Variants in TBX4 observed in about 807,000 individuals in gnomAD.
The protein encoded by TBX4 is T-box transcription factor 4, also known as T-box transcription factor TBX4.
TBX4 carries 13 observed loss-of-function variants against 54.6 expected under a neutral mutation model. The observed-to-expected ratio is 0.24, with a 90% CI of 0.15 to 0.38. The LOEUF is 0.38. TBX4 is among the 10% of genes least tolerant of loss of function. The pLI is 1.00. For missense variants in TBX4, 631 were observed against 728.5 expected (o/e 0.87, Z 1.54); for synonymous variants, 314 against 306.7 (o/e 1.02, Z -0.25).
At chr17:61,453,073 A>T in intron 1 of TBX4, 4 of 812,910 alleles carry the variant, frequency 4.9e-6, no homozygotes, top group Non-Finnish European at 5.9e-6. Flanking sequence ...ATAAATAATG[A>T]TCGATGATTA....
At chr17:61,482,379 A>G (rs1015071155) in intron 8 of TBX4, among the ~76,000 whole-genome samples, 2 of 152,250 alleles carry the variant, frequency 1.3e-5, no homozygotes, top group Admixed American at 6.5e-5. Flanking sequence ...AGGTTAGTTC[A>G]TCTTCTAAAA....
chr17:61,454,935 T>C (rs1183774000), intron 1 of TBX4, among the ~76,000 whole-genome samples: 1 of 152,112 alleles, frequency 6.6e-6, no homozygotes, highest in Admixed American at 6.5e-5. Context: ...CTAGATATAG[T>C]TGGACCCAGC....
At chr17:61,463,209 T>C (rs2060510886) in intron 3 of TBX4, 1 of 152,466 alleles carries the variant, frequency 6.6e-6, no homozygotes, top group Admixed American at 6.5e-5. Flanking sequence ...CCTAGACATC[T>C]GTTGCATTGA....
Position 61,485,017 on chromosome 17 carries a change from G to T in TBX4, c.*1501G>T, listed in dbSNP as rs2060694487. The T allele has an allele frequency of 6.7e-6, 1 of 149,640 alleles. No individual in the cohort carries two copies. Among genetic ancestry groups the T allele is most frequent in the Non-Finnish European group, 1.5e-5 (1 of 67,606 alleles). 9.3% of individuals were successfully genotyped at this position (149,640 alleles called of 1,614,324 possible). On this transcript the variant is annotated 3_prime_UTR_variant, in exon 9 of 9. Coordinates refer to ENST00000644296, the MANE Select transcript of TBX4 (RefSeq NM_001321120.2). The surrounding 1 kb of genome is among the most constrained non-coding windows in gnomAD (Gnocchi z 4.6). Reference sequence around the variant, plus strand: ...TAAGGCTTTTTTAGAAAACACATTAGCTAACAGGTGATATGGAACTTCAAG... The same window carrying T: ...TAAGGCTTTTTTAGAAAACACATTATCTAACAGGTGATATGGAACTTCAAG...
At chr17:61,468,199 G>T (rs2060549736) in intron 5 of TBX4, among the ~76,000 whole-genome samples, 1 of 152,240 alleles carries the variant, frequency 6.6e-6, no homozygotes, top group South Asian at 2.1e-4. Flanking sequence ...CCTTGCTCTG[G>T]CTCACATGTT....
Position 61,472,033 on chromosome 17 carries a change from G to A in TBX4, c.549+4376G>A, listed in dbSNP as rs370833224. Among the ~76,000 whole-genome samples the A allele has an allele frequency of 4.9e-4, 74 of 150,806 alleles. No homozygotes were observed. In the South Asian group the frequency reaches 6.4e-3, roughly 13 times the overall value. On this transcript the variant is annotated intron_variant, in intron 5 of 8. Transcript: ENST00000644296. This position sits in a 1 kb window ranked among gnomAD's most constrained non-coding sequence, Gnocchi z 4.5. The stretch of plus-strand genomic sequence containing the variant: ...GCTGGGATTGCAGGCGTGTGCCACC[G>A]CGCCCGGCCTGCAGCTGCATAGAAT...
In TBX4 at chr17:61,481,069, T is replaced by A. The variant is rs577990356; in HGVS notation, c.1021+750T>A. Among the ~76,000 whole-genome samples, 161 of 152,294 alleles carry A rather than the reference T, an allele frequency of 1.1e-3. No individual in the cohort carries two copies. Among genetic ancestry groups the A allele is most frequent in the Middle Eastern group, 3.4e-3 (1 of 294 alleles). On this transcript the variant is annotated intron_variant, in intron 8 of 8. Coordinates refer to ENST00000644296, the MANE Select transcript of TBX4 (RefSeq NM_001321120.2). This position sits in a 1 kb window ranked among gnomAD's most constrained non-coding sequence, Gnocchi z 4.8. ...TTCCGGAATGTTCCCTCAGCCCTGGTCCTAGGGACTAGCCCAGCAGAGCTC... is the reference window on the plus strand; with the variant it reads ...TTCCGGAATGTTCCCTCAGCCCTGGACCTAGGGACTAGCCCAGCAGAGCTC...
rs35198276 is a variant in TBX4 at position 61,471,892 on chromosome 17, ATTTTTTT to A, written c.549+4260_549+4266del. 6.9e-4 allele frequency among the ~76,000 whole-genome samples: 50 copies of A among 72,950 alleles called. No individual in the cohort carries two copies. In the East Asian group the frequency reaches 0.014, roughly 20 times the overall value. 47.9% of individuals were successfully genotyped at this position (72,950 alleles called of 152,430 possible). ...AGGTGCCTGCCACTATGCCCAGCTA[ATTTTTTT>A]TTTTTTTTTTTTTTTTTTTTTTTTA... On this transcript the variant is annotated intron_variant, in intron 5 of 8. Coordinates refer to ENST00000644296, the MANE Select transcript of TBX4 (RefSeq NM_001321120.2).
At position 61,472,269 on chromosome 17, in the gene TBX4, G is replaced by C. The variant is rs1190440393; in HGVS notation, c.549+4612G>C. 6.6e-6 allele frequency among the ~76,000 whole-genome samples: 1 copy of C among 152,202 alleles called. No individual in the cohort carries two copies. The highest frequency in any genetic ancestry group is 2.4e-5 in the African/African-American group (1 of 41,440). On this transcript the variant is annotated intron_variant, in intron 5 of 8. Coordinates refer to ENST00000644296, the MANE Select transcript of TBX4 (RefSeq NM_001321120.2). The surrounding 1 kb of genome is among the most constrained non-coding windows in gnomAD (Gnocchi z 4.5). ...AATTCCCCTCCATGGGAGCTGTACT[G>C]ATGTATATATTTCCACCACTGCTGT...
chr17:61,461,218 C>T lies in TBX4; in HGVS notation c.281+3587C>T, dbSNP rs1015712373. On this transcript the variant is annotated intron_variant, in intron 3 of 8. Transcript: ENST00000644296. This position sits in a 1 kb window ranked among gnomAD's most constrained non-coding sequence, Gnocchi z 5.1. ...CATTCCACACACTCTCACCCCTGCC[C>T]CTCCCTCAGGGAAAAGATTTCTTAA... Among the ~76,000 whole-genome samples the T allele has an allele frequency of 3.3e-4, 51 of 152,330 alleles. No homozygotes were observed. Among genetic ancestry groups the T allele is most frequent in the African/African-American group, 1.2e-3 (49 of 41,570 alleles).
chr17:61,476,145 T>C lies in TBX4; in HGVS notation c.550-2482T>C, dbSNP rs1448372302. ...GTATAGCCCTTTCTCCTGAGGAGTT[T>C]AGAGTTTAATTGAAGGGACAAGAAG... On this transcript the variant is annotated intron_variant, in intron 5 of 8. Coordinates refer to ENST00000644296, the MANE Select transcript of TBX4 (RefSeq NM_001321120.2). The surrounding 1 kb of genome is among the most constrained non-coding windows in gnomAD (Gnocchi z 6.5). Among the ~76,000 whole-genome samples the C allele has an allele frequency of 1.3e-5, 2 of 152,052 alleles. No homozygotes were observed. Among genetic ancestry groups the C allele is most frequent in the African/African-American group, 4.8e-5 (2 of 41,388 alleles).
At position 61,465,736 on chromosome 17, in the gene TBX4, G is replaced by A. The variant is rs977464676; in HGVS notation, c.282-83G>A. On this transcript the variant is annotated intron_variant, in intron 3 of 8. Transcript: ENST00000644296. The surrounding 1 kb of genome is among the most constrained non-coding windows in gnomAD (Gnocchi z 4.9). ...GGCCAAAAGGGCAGCATCTGTTAGC[G>A]GCCTTCTGCCCCCTTGCTCACTCTG... 5 of 1,577,632 alleles carry A rather than the reference G, an allele frequency of 3.2e-6. No homozygotes were observed. Among genetic ancestry groups the A allele is most frequent in the East Asian group, 2.3e-5 (1 of 44,206 alleles).
intron 1 of TBX4, 151 bp from the exon 2 acceptor site, chr17:61,456,337 T>A: frequency 9.9e-7 from 1 of 1,014,698 alleles, no homozygotes; most frequent in Non-Finnish European, 1.5e-6. Context: ...CCTTGCGGGT[T>A]CCCTCCTCCA....
At position 61,457,273 on chromosome 17, in the gene TBX4, T is replaced by G. The variant is rs2060459019; in HGVS notation, c.187-264T>G. 1.3e-5 allele frequency among the ~76,000 whole-genome samples: 2 copies of G among 151,964 alleles called. No homozygotes were observed. The highest frequency in any genetic ancestry group is 2.1e-4 in the South Asian group (1 of 4,814). ...AGAAATGTTCATGAGTGAGCAGGAGTGTCGTCTAACCTGCGCTGGCCACTA... is the reference window on the plus strand; with the variant it reads ...AGAAATGTTCATGAGTGAGCAGGAGGGTCGTCTAACCTGCGCTGGCCACTA... On this transcript the variant is annotated intron_variant, in intron 2 of 8. Coordinates refer to ENST00000644296, the MANE Select transcript of TBX4 (RefSeq NM_001321120.2). The surrounding 1 kb of genome is among the most constrained non-coding windows in gnomAD (Gnocchi z 8.2).
At position 61,482,781 on chromosome 17, in the gene TBX4, A is replaced by T. The variant is rs373522697; in HGVS notation, c.1022-116A>T. On this transcript the variant is annotated intron_variant, in intron 8 of 8. Coordinates refer to ENST00000644296, the MANE Select transcript of TBX4 (RefSeq NM_001321120.2). ...GAAATGGCTCTGGGAGTGCCATGGC[A>T]ACATGGGGAGGGCGGGCGCAGAGGG... The T allele has an allele frequency of 1.4e-4, 201 of 1,480,788 alleles. 1 individual carries two copies. In the African/African-American group the frequency reaches 2.2e-3, roughly 16 times the overall value. 91.7% of individuals were successfully genotyped at this position (1,480,788 alleles called of 1,614,324 possible). A position where few individuals can be genotyped will look rare whatever the true frequency, so the allele number is the denominator to read the frequency against.
Position 61,460,165 on chromosome 17 carries a change from T to G in TBX4, c.281+2534T>G, listed in dbSNP as rs1273122582. On this transcript the variant is annotated intron_variant, in intron 3 of 8. Transcript: ENST00000644296. The surrounding 1 kb of genome is among the most constrained non-coding windows in gnomAD (Gnocchi z 4.4). ...TACCAGGTCCACACAGGAAAACAGA[T>G]GAGACACCCCACCCCCAGAACACAG... is the stretch of plus-strand genomic sequence containing the variant. 1 of 152,970 alleles carries G rather than the reference T, an allele frequency of 6.5e-6. No homozygotes were observed. Among genetic ancestry groups the G allele is most frequent in the Non-Finnish European group, 1.5e-5 (1 of 68,686 alleles). The allele number at this position is 152,970 out of a possible 1,614,324, so 9.5% of individuals were successfully genotyped here. A position where few individuals can be genotyped will look rare whatever the true frequency, so the allele number is the denominator to read the frequency against.
At chr17:61,482,717 TTCTTG>T (rs2060672771) in intron 8 of TBX4, among the ~76,000 whole-genome samples, 175 bp from the exon 9 acceptor site, 1 of 152,182 alleles carries the variant, frequency 6.6e-6, no homozygotes. Flanking sequence ...ATCTGACCAC[TTCTTG>T]GTGCCTGCAA....
chr17:61,483,384 G>A lies in TBX4; in HGVS notation c.1509G>A (p.Glu503=). Residue 503 remains glutamate (E), a synonymous_variant, in exon 9 of 9, where the codon GAG becomes GAA. Transcript: ENST00000644296. The surrounding 1 kb of genome is among the most constrained non-coding windows in gnomAD (Gnocchi z 6.6). ...AGCGCGGCCTCCCCCAAGGGTGTGA[G>A]AGGAAGCCACCCTCGCCACATCTAA... ...PRERGLPQGC[E]RKPPSPHLNA... The A allele has an allele frequency of 1.2e-6, 2 of 1,611,072 alleles. No individual in the cohort carries two copies. Among genetic ancestry groups the A allele is most frequent in the Non-Finnish European group, 1.7e-6 (2 of 1,177,718 alleles).
In TBX4 at chr17:61,483,719, GA is replaced by G. The variant is rs1169016779; in HGVS notation, c.*211del. 2.4e-5 allele frequency: 16 copies of G among 664,936 alleles called. No individual in the cohort carries two copies. Among genetic ancestry groups the G allele is most frequent in the East Asian group, 1.7e-4 (6 of 34,762 alleles). 41.2% of individuals were successfully genotyped at this position (664,936 alleles called of 1,614,324 possible). A position where few individuals can be genotyped will look rare whatever the true frequency, so the allele number is the denominator to read the frequency against. ...GACATACAACTGAGGTCATGACAAG[GA>G]AAAAAAACACCACATTTATCTAAGA... On this transcript the variant is annotated 3_prime_UTR_variant, in exon 9 of 9. Coordinates refer to ENST00000644296, the MANE Select transcript of TBX4 (RefSeq NM_001321120.2). The surrounding 1 kb of genome is among the most constrained non-coding windows in gnomAD (Gnocchi z 6.6).
Sources: gnomAD v4.1 joint callset for allele counts (sites outside exome capture counted in the v4.1 genomes callset) on GRCh38, gnomAD v4.1.1 for gene constraint, Gnocchi (gnomAD v3.1) non-coding constraint, MANE v1.5 for transcripts, NCBI Gene and HGNC (gene_info 2026-07-23, HGNC 2026-07-21) for gene names.